Variants in PCDHGB1 observed in about 807,000 individuals in gnomAD.
PCDHGB1 encodes the protein protocadherin gamma-B1.
PCDHGB1 carries 34 observed loss-of-function variants against 56.6 expected under a neutral mutation model. That is an observed-to-expected ratio of 0.60 (90% confidence interval 0.46 to 0.80). The LOEUF (loss-of-function observed/expected upper bound fraction) is 0.80. Ranked by LOEUF, PCDHGB1 falls within the 30% of genes least tolerant of loss-of-function variation. PCDHGB1 has a pLI of 0.00. For missense variants in PCDHGB1, 1,278 were observed against 1,204.6 expected (o/e 1.06, Z -0.90); for synonymous variants, 561 against 505.9 (o/e 1.11, Z -1.46).
intron 1 of PCDHGB1, chr5:141,415,388 G>A (rs752789407): frequency 1.2e-6 from 2 of 1,614,236 alleles, no homozygotes; most frequent in Non-Finnish European, 1.7e-6. Context: ...GGCTTGACAG[G>A]TGTGTCCGGC....
At chr5:141,352,717 C>T (rs761909710) in intron 1 of PCDHGB1, 48 bp downstream of exon 1, 10 of 1,537,788 alleles carry the variant, frequency 6.5e-6, no homozygotes, top group Admixed American at 2.0e-5. Context: ...CGGCCGGGCG[C>T]GGTGGCTCAA....
intron 1 of PCDHGB1, chr5:141,430,604 A>C (rs1288378907): frequency 7.8e-6 from 5 of 641,158 alleles, no homozygotes; most frequent in Non-Finnish European, 1.2e-5. Context: ...CGCCTGAAGC[A>C]CAAAGCAGAT....
chr5:141,366,085 C>T, intron 1 of PCDHGB1: 1 of 1,614,268 alleles, frequency 6.2e-7, no homozygotes, highest in Non-Finnish European at 8.5e-7. Flanking sequence ...CAGAACCTGG[C>T]TACCTGGTGA....
chr5:141,350,776 T>C lies in PCDHGB1; in HGVS notation c.516T>C (p.Asn172=), dbSNP rs2149758919. 2.5e-6 allele frequency: 4 copies of C among 1,613,926 alleles called. No homozygotes were observed. Among genetic ancestry groups the C allele is most frequent in the Non-Finnish European group, 2.5e-6 (3 of 1,179,894 alleles). ...NSLKLYTINP[N]QYFSLSTKES... ...TGAAGTTATACACCATCAACCCCAA[T>C]CAATACTTCTCTCTGTCAACGAAGG... The change falls in exon 1 of 4, where the codon AAT becomes AAC. Residue 172 remains asparagine, a synonymous_variant. Coordinates refer to ENST00000523390, the MANE Select transcript of PCDHGB1 (RefSeq NM_018922.3).
rs763097687 is a variant in PCDHGB1 at position 141,489,361 on chromosome 5, C to G, written c.2410-5446C>G. On this transcript the variant is annotated intron_variant, in intron 1 of 3. Transcript: ENST00000523390. This position sits in a 1 kb window ranked among gnomAD's most constrained non-coding sequence, Gnocchi z 4.5. Reference sequence around the variant, plus strand: ...TTACTCAGTGGTGGAGGAGTCTGAGCCGGGGACGCTGGTGGGGAATGTTGC... The same window carrying G: ...TTACTCAGTGGTGGAGGAGTCTGAGGCGGGGACGCTGGTGGGGAATGTTGC... 6.2e-7 allele frequency: 1 copy of G among 1,612,762 alleles called. No homozygotes were observed. Among genetic ancestry groups the G allele is most frequent in the African/African-American group, 1.3e-5 (1 of 74,874 alleles).
intron 1 of PCDHGB1, among the ~76,000 whole-genome samples, chr5:141,406,812 T>G (rs528041804): frequency 6.6e-6 from 1 of 152,350 alleles, no homozygotes; most frequent in East Asian, 1.9e-4. Context: ...CTCCAACTTT[T>G]GAGTCTAGAA....
Position 141,420,101 on chromosome 5 carries a change from T to A in PCDHGB1, c.2409+67432T>A. 5 of 1,614,046 alleles carry A rather than the reference T, an allele frequency of 3.1e-6. No homozygotes were observed. Among genetic ancestry groups the A allele is most frequent in the Non-Finnish European group, 4.2e-6 (5 of 1,179,870 alleles). ...TCCCCCCAACTACAGTGAGGGAACGTTGCCCTATGCCTATAATTTTTGTGT... is the reference window on the plus strand; with the variant it reads ...TCCCCCCAACTACAGTGAGGGAACGATGCCCTATGCCTATAATTTTTGTGT... On this transcript the variant is annotated intron_variant, in intron 1 of 3. Transcript: ENST00000523390.
chr5:141,427,839 G>T, intron 1 of PCDHGB1: 1 of 1,547,310 alleles, frequency 6.5e-7, no homozygotes, highest in Non-Finnish European at 8.8e-7. Flanking sequence ...GCGTGCCTTC[G>T]ACCACGAGCA....
rs138463062 is a variant in PCDHGB1 at position 141,485,217 on chromosome 5, C to G, written c.2410-9590C>G. 6.8e-6 allele frequency: 11 copies of G among 1,613,996 alleles called. No individual in the cohort carries two copies. Among genetic ancestry groups the G allele is most frequent in the Non-Finnish European group, 9.3e-6 (11 of 1,179,978 alleles). ...AGCTGGACAGAAATCTGGCGGTGGGCTACCCTTTTGTTCCTCTTTTACCAC... is the reference window on the plus strand; with the variant it reads ...AGCTGGACAGAAATCTGGCGGTGGGGTACCCTTTTGTTCCTCTTTTACCAC... On this transcript the variant is annotated intron_variant, in intron 1 of 3. Coordinates refer to ENST00000523390, the MANE Select transcript of PCDHGB1 (RefSeq NM_018922.3). This position sits in a 1 kb window ranked among gnomAD's most constrained non-coding sequence, Gnocchi z 5.7.
chr5:141,395,544 G>T (rs1352260391), intron 1 of PCDHGB1: 4 of 11,560 alleles, frequency 3.5e-4, no homozygotes, highest in African/African-American at 5.6e-4. Flanking sequence ...GCTATTGTTT[G>T]TGTGTGTGTG....
chr5:141,399,465 G>T, intron 1 of PCDHGB1: 1 of 1,614,014 alleles, frequency 6.2e-7, no homozygotes, highest in Non-Finnish European at 8.5e-7. Context: ...ATAACGCTCC[G>T]GTTTTCCACC....
intron 1 of PCDHGB1, chr5:141,392,755 T>C: frequency 6.8e-7 from 1 of 1,460,466 alleles, no homozygotes; most frequent in South Asian, 1.5e-5. Context: ...GGCAAGAAAC[T>C]AAATAAGACC....
intron 1 of PCDHGB1, chr5:141,375,618 G>A (rs1771662447): frequency 6.2e-7 from 1 of 1,614,078 alleles, no homozygotes; most frequent in Non-Finnish European, 8.5e-7. Context: ...TCCGACACTG[G>A]GATTCTGTAC....
intron 1 of PCDHGB1, chr5:141,378,164 A>G (rs772489747): frequency 6.6e-6 from 1 of 152,258 alleles, no homozygotes; most frequent in African/African-American, 2.4e-5. Context: ...GTTGTTAACA[A>G]TAACTAAGCA....
chr5:141,398,026 C>G, intron 1 of PCDHGB1: 2 of 1,446,724 alleles, frequency 1.4e-6, no homozygotes, highest in Admixed American at 2.6e-5. Context: ...TAAACTGGAA[C>G]TGGAACTAAA....
intron 1 of PCDHGB1, chr5:141,392,820 G>C (rs1474865202): frequency 1.3e-6 from 2 of 1,592,748 alleles, no homozygotes; most frequent in Admixed American, 3.6e-5. Context: ...AACAATGGCC[G>C]CTCCACAGAG....
rs1421670958 is a variant in PCDHGB1, at chr5:141,432,558, A to C, written c.2410-62249A>C. ...GTGGCGGTGGACAGAGACTCCGGCC[A>C]GAACGCCTGGCTGTCCTACCGTCTG... On this transcript the variant is annotated intron_variant, in intron 1 of 3. Transcript: ENST00000523390. This position sits in a 1 kb window ranked among gnomAD's most constrained non-coding sequence, Gnocchi z 6.0. The C allele has an allele frequency of 1.9e-6, 3 of 1,613,756 alleles. No individual in the cohort carries two copies. The highest frequency in any genetic ancestry group is 2.2e-5 in the South Asian group (2 of 91,060).
intron 1 of PCDHGB1, chr5:141,392,803 G>A: frequency 6.4e-7 from 1 of 1,573,156 alleles, no homozygotes. Context: ...GGATTCTGCA[G>A]CAAAACAACA....
At chr5:141,433,546 T>C (rs1317735935) in intron 1 of PCDHGB1, among the ~76,000 whole-genome samples, 1 of 152,090 alleles carries the variant, frequency 6.6e-6, no homozygotes, top group Non-Finnish European at 1.5e-5. Context: ...TATCAGATAT[T>C]CTTTTCTGGC....
Sources: allele counts gnomAD v4.1 joint callset (sites outside exome capture counted in the v4.1 genomes callset), GRCh38; gene constraint gnomAD v4.1.1; non-coding constraint Gnocchi (gnomAD v3.1); transcripts MANE v1.5; gene names NCBI Gene and HGNC (gene_info 2026-07-23, HGNC 2026-07-21).